TSPAN5: variants seen among roughly 807,000 people sequenced by gnomAD.
TSPAN5 encodes tetraspanin-5.
A neutral mutation model predicts 37.1 loss-of-function variants in TSPAN5; 10 were observed. The observed-to-expected ratio is 0.27, with a 90% CI of 0.17 to 0.46. TSPAN5 has a LOEUF of 0.46. TSPAN5 is among the 20% of genes least tolerant of loss of function. The probability of loss-of-function intolerance (pLI) is 1.00; values close to 1 mark genes in which losing one functional copy is unlikely to be tolerated. For missense variants in TSPAN5, 195 were observed against 326.6 expected, an observed-to-expected ratio of 0.60 and a Z score of 3.11; for synonymous variants, 110 against 118.9, an observed-to-expected ratio of 0.93 and a Z score of 0.48.
At chr4:98,655,905 T>C (rs1194373307) in intron 1 of TSPAN5, among the ~76,000 whole-genome samples, 1 of 151,816 alleles carries the variant, frequency 6.6e-6, no homozygotes, top group Non-Finnish European at 1.5e-5. Context: ...ATAGGAAAGG[T>C]ATGAGGGAGT....
rs374416229 is a variant in TSPAN5 at position 98,478,668 on chromosome 4, C to G, written c.576+17G>C. ...TGATGTACAGAGTAGGCCAATAGTT[C>G]GCTGGCATTCACTTACTGCGGGATC... is the stretch of plus-strand genomic sequence containing the variant. On this transcript the variant is annotated intron_variant, in intron 5 of 7. Coordinates refer to ENST00000305798, the MANE Select transcript of TSPAN5 (RefSeq NM_005723.4). 6.2e-7 allele frequency: 1 copy of G among 1,614,080 alleles called. No individual in the cohort carries two copies. Among genetic ancestry groups the G allele is most frequent in the South Asian group, 1.1e-5 (1 of 91,070 alleles).
intron 1 of TSPAN5, among the ~76,000 whole-genome samples, chr4:98,536,120 T>C (rs933933547): frequency 1.3e-5 from 2 of 152,230 alleles, no homozygotes; most frequent in Non-Finnish European, 2.9e-5. Flanking sequence ...TTCTTGTTTT[T>C]GGTATTTTCA....
chr4:98,622,880 A>T (rs1317997948), intron 1 of TSPAN5, among the ~76,000 whole-genome samples: 1 of 152,182 alleles, frequency 6.6e-6, no homozygotes, highest in African/African-American at 2.4e-5. Flanking sequence ...TGCAGGAAGG[A>T]GTGTGATAAG....
chr4:98,622,882 T>TG (rs1756514506), intron 1 of TSPAN5, among the ~76,000 whole-genome samples: 1 of 151,612 alleles, frequency 6.6e-6, no homozygotes, highest in Admixed American at 6.6e-5. Flanking sequence ...CAGGAAGGAG[T>TG]GTGATAAGCA....
At chr4:98,617,378 A>G (rs1756365304) in intron 1 of TSPAN5, among the ~76,000 whole-genome samples, 1 of 152,158 alleles carries the variant, frequency 6.6e-6, no homozygotes, top group African/African-American at 2.4e-5. Flanking sequence ...GGCAGGACAA[A>G]CAGCAGAACC....
chr4:98,498,487 A>C (rs1344017296), intron 2 of TSPAN5, among the ~76,000 whole-genome samples: 1 of 152,186 alleles, frequency 6.6e-6, no homozygotes, highest in Non-Finnish European at 1.5e-5. Flanking sequence ...TGAGTAGGAG[A>C]CAAGACCTCC....
chr4:98,539,605 A>G (rs923304029), intron 1 of TSPAN5, among the ~76,000 whole-genome samples: 2 of 152,112 alleles, frequency 1.3e-5, no homozygotes, highest in Admixed American at 6.5e-5. Flanking sequence ...GTATCTTGCA[A>G]TACTCTAGGG....
At chr4:98,612,669 G>A (rs887435091) in intron 1 of TSPAN5, among the ~76,000 whole-genome samples, 1 of 152,178 alleles carries the variant, frequency 6.6e-6, no homozygotes, top group Non-Finnish European at 1.5e-5. Context: ...ATCTCTGCCA[G>A]GAGCACCATC....
At chr4:98,492,648 G>C (rs1346323428) in intron 2 of TSPAN5, among the ~76,000 whole-genome samples, 1 of 152,176 alleles carries the variant, frequency 6.6e-6, no homozygotes, top group African/African-American at 2.4e-5. Context: ...GGATGTGCCA[G>C]GTTTTAAATG....
At chr4:98,656,468 C>T (rs1321109058) in intron 1 of TSPAN5, among the ~76,000 whole-genome samples, 1 of 152,198 alleles carries the variant, frequency 6.6e-6, no homozygotes, top group Admixed American at 6.5e-5. Context: ...TTTCAAGTTC[C>T]AATCAAATCA....
chr4:98,536,831 G>A (rs1754246457), intron 1 of TSPAN5, among the ~76,000 whole-genome samples: 1 of 152,222 alleles, frequency 6.6e-6, no homozygotes, highest in Non-Finnish European at 1.5e-5. Context: ...AGCAATGGCG[G>A]ACGCCCCTCC....
intron 1 of TSPAN5, among the ~76,000 whole-genome samples, chr4:98,606,642 G>C (rs1377073777): frequency 6.6e-6 from 1 of 152,104 alleles, no homozygotes; most frequent in Admixed American, 6.5e-5. Context: ...GCTATTATTA[G>C]CAACAGCTTA....
intron 1 of TSPAN5, among the ~76,000 whole-genome samples, chr4:98,566,933 T>A (rs1041967594): frequency 1.3e-5 from 2 of 152,208 alleles, no homozygotes; most frequent in Admixed American, 1.3e-4. Flanking sequence ...TGGAGCTGAT[T>A]GTAGCAGAAA....
chr4:98,628,159 G>A (rs767994741), intron 1 of TSPAN5, among the ~76,000 whole-genome samples: 3 of 151,960 alleles, frequency 2.0e-5, no homozygotes, highest in Non-Finnish European at 4.4e-5. Flanking sequence ...AAGTACAAAC[G>A]TAAATACAGC....
chr4:98,560,771 G>C (rs540973917), intron 1 of TSPAN5, among the ~76,000 whole-genome samples: 1 of 152,238 alleles, frequency 6.6e-6, no homozygotes, highest in South Asian at 2.1e-4. Flanking sequence ...GTGTGACAGG[G>C]GCTCTAAAGT....
At chr4:98,570,411 TTCATTCAG>T (rs1221873211) in intron 1 of TSPAN5, among the ~76,000 whole-genome samples, 9 of 152,168 alleles carry the variant, frequency 5.9e-5, no homozygotes, top group Non-Finnish European at 1.2e-4. Flanking sequence ...AGACCACAGA[TTCATTCAG>T]TTTCATCATC....
intron 1 of TSPAN5, among the ~76,000 whole-genome samples, chr4:98,644,911 T>TG (rs1481282147): frequency 6.6e-6 from 1 of 152,218 alleles, no homozygotes; most frequent in Non-Finnish European, 1.5e-5. Context: ...ACATGGAGTA[T>TG]GCAAACATTT....
chr4:98,632,530 T>C (rs1756770968), intron 1 of TSPAN5, among the ~76,000 whole-genome samples: 1 of 152,164 alleles, frequency 6.6e-6, no homozygotes, highest in Non-Finnish European at 1.5e-5. Flanking sequence ...TTCAGGGGTA[T>C]ACCAGCACTG....
intron 1 of TSPAN5, among the ~76,000 whole-genome samples, chr4:98,616,264 G>T (rs1332675860): frequency 1.3e-5 from 2 of 152,034 alleles, no homozygotes; most frequent in Admixed American, 1.3e-4. Context: ...AGGGGCAGAG[G>T]TAAGAGGTGA....
Sources: gnomAD v4.1 joint callset for allele counts (sites outside exome capture counted in the v4.1 genomes callset) on GRCh38, gnomAD v4.1.1 for gene constraint, MANE v1.5 for transcripts, NCBI Gene and HGNC (gene_info 2026-07-23, HGNC 2026-07-21) for gene names.